Variants in SH3RF1 observed in about 807,000 individuals in gnomAD.
SH3RF1 encodes the protein E3 ubiquitin-protein ligase SH3RF1.
SH3RF1 carries 32 observed loss-of-function variants against 74.0 expected under a neutral mutation model. The ratio of observed to expected loss-of-function variants is 0.43; its 90% CI spans 0.33 to 0.58. SH3RF1 has a LOEUF of 0.58. SH3RF1 is among the 20% of genes least tolerant of loss of function. The pLI is 0.05. For missense variants in SH3RF1, 954 were observed against 1,130.9 expected, an observed-to-expected ratio of 0.84 and a Z score of 2.24; for synonymous variants, 396 against 439.6, an observed-to-expected ratio of 0.90 and a Z score of 1.24.
Position 169,269,319 on chromosome 4 carries a change from G to A in SH3RF1, c.-95-12C>T. 2.6e-6 allele frequency: 3 copies of A among 1,151,670 alleles called. No individual in the cohort carries two copies. Among genetic ancestry groups the A allele is most frequent in the East Asian group, 5.2e-5 (2 of 38,808 alleles). The allele number at this position is 1,151,670 out of a possible 1,614,324, so 71.3% of individuals were successfully genotyped here. On this transcript the variant is annotated splice_polypyrimidine_tract_variant and intron_variant, in intron 1 of 11. Coordinates refer to ENST00000284637, the MANE Select transcript of SH3RF1 (RefSeq NM_020870.4). ...TTTCAGACTTTGCTCTAGAGTCATG[G>A]GGAAAAGGGGGAAAAGAGAACATGA...
intron 2 of SH3RF1, among the ~76,000 whole-genome samples, chr4:169,243,638 G>T (rs1730949232): frequency 6.6e-6 from 1 of 152,134 alleles, no homozygotes; most frequent in African/African-American, 2.4e-5. Context: ...TATTAGTTTT[G>T]TTATCTATAT....
chr4:169,148,762 C>T (rs1733931507), intron 4 of SH3RF1, among the ~76,000 whole-genome samples: 3 of 151,666 alleles, frequency 2.0e-5, no homozygotes, highest in South Asian at 2.1e-4. Context: ...TTGTTGCATA[C>T]GAAAATTAGG....
intron 2 of SH3RF1, among the ~76,000 whole-genome samples, chr4:169,229,731 C>G (rs1730704925): frequency 6.6e-6 from 1 of 152,192 alleles, no homozygotes; most frequent in Non-Finnish European, 1.5e-5. Context: ...CTCATCACAA[C>G]TGGGAACAAA....
chr4:169,137,487 G>A (rs980797478), intron 4 of SH3RF1, among the ~76,000 whole-genome samples: 1 of 152,102 alleles, frequency 6.6e-6, no homozygotes, highest in Admixed American at 6.5e-5. Context: ...AGATATTACA[G>A]TAATGGAAAC....
intron 2 of SH3RF1, among the ~76,000 whole-genome samples, chr4:169,256,348 T>C (rs1408898109): frequency 6.6e-6 from 1 of 151,356 alleles, no homozygotes; most frequent in Non-Finnish European, 1.5e-5. Flanking sequence ...GGAGGGAGTA[T>C]AGATAATGTT....
intron 2 of SH3RF1, among the ~76,000 whole-genome samples, chr4:169,243,575 T>C (rs1730948658): frequency 6.6e-6 from 1 of 152,236 alleles, no homozygotes; most frequent in South Asian, 2.1e-4. Flanking sequence ...ATCTTGATTA[T>C]GCTAGGCTAA....
At chr4:169,249,921 G>A (rs1731071230) in intron 2 of SH3RF1, among the ~76,000 whole-genome samples, 1 of 151,998 alleles carries the variant, frequency 6.6e-6, no homozygotes, top group Non-Finnish European at 1.5e-5. Context: ...ACACTCAACA[G>A]AATCGGCCCA....
chr4:169,154,390 T>C (rs1486146439), intron 4 of SH3RF1, among the ~76,000 whole-genome samples: 3 of 152,218 alleles, frequency 2.0e-5, no homozygotes, highest in Non-Finnish European at 2.9e-5. Context: ...GCTACAATGA[T>C]ACAGTTTGTC....
intron 8 of SH3RF1, among the ~76,000 whole-genome samples, chr4:169,120,609 A>G (rs1277649747): frequency 2.0e-5 from 3 of 152,248 alleles, no homozygotes; most frequent in Non-Finnish European, 2.9e-5. Context: ...TTACTGGTAG[A>G]AACCTATAAT....
Position 169,130,090 on chromosome 4 carries a change from A to T in SH3RF1, c.1135T>A (p.Ser379Thr). ...PPSSPVTTGP[S>T]FTFPSDVPYQ... is the part of the protein sequence containing the mutation. ...GGAACATCTGATGGGAAAGTAAACG[A>T]GGGGCCAGTTGTCACTGGGCTGCTT... Residue 379 changes from serine (S) to threonine (T), a missense_variant, in exon 6 of 12, where the codon TCG (serine) becomes ACG (threonine). Ser to Thr is a moderately conservative substitution (Grantham distance 58). Around this residue, in one of 3 missense-constraint regions of SH3RF1, gnomAD observed 854 missense variants for 962.5 expected, o/e 0.89. Transcript: ENST00000284637. 6.2e-7 allele frequency: 1 copy of T among 1,613,560 alleles called. No homozygotes were observed. Among genetic ancestry groups the T allele is most frequent in the Non-Finnish European group, 8.5e-7 (1 of 1,179,860 alleles).
intron 2 of SH3RF1, among the ~76,000 whole-genome samples, chr4:169,189,928 T>G (rs1361802269): frequency 6.6e-6 from 1 of 152,134 alleles, no homozygotes; most frequent in Non-Finnish European, 1.5e-5. Flanking sequence ...AAAGGAACCT[T>G]CAAAACCATG....
chr4:169,234,313 C>T (rs768846056), intron 2 of SH3RF1, among the ~76,000 whole-genome samples: 1 of 152,060 alleles, frequency 6.6e-6, no homozygotes, highest in Non-Finnish European at 1.5e-5. Context: ...AAGAAACACC[C>T]TCCCCACCCC....
chr4:169,118,149 A>G (rs1733368840), intron 8 of SH3RF1, among the ~76,000 whole-genome samples: 1 of 152,108 alleles, frequency 6.6e-6, no homozygotes, highest in South Asian at 2.1e-4. Flanking sequence ...CCATTTCCAT[A>G]TCTTTGCTCC....
At chr4:169,181,591 A>T (rs1052676598) in intron 2 of SH3RF1, among the ~76,000 whole-genome samples, 22 of 152,066 alleles carry the variant, frequency 1.4e-4, no homozygotes, top group African/African-American at 4.8e-4. Flanking sequence ...TCACTCCTGA[A>T]GGTTAATAAA....
chr4:169,232,575 G>A lies in SH3RF1; in HGVS notation c.393+36245C>T, dbSNP rs543164707. ...TCCAATCCCTAGAGGTTAAAATAAAGTACAAACTTTGGTCACATCCTATCC... is the reference window on the plus strand; with the variant it reads ...TCCAATCCCTAGAGGTTAAAATAAAATACAAACTTTGGTCACATCCTATCC... On this transcript the variant is annotated intron_variant, in intron 2 of 11. Transcript: ENST00000284637. 1.8e-4 allele frequency among the ~76,000 whole-genome samples: 28 copies of A among 152,256 alleles called. No individual in the cohort carries two copies. In the South Asian group the frequency reaches 5.8e-3, roughly 32 times the overall value.
At chr4:169,192,814 T>TATGTGATATATATATCATATAG (rs1230139909) in intron 2 of SH3RF1, among the ~76,000 whole-genome samples, 12 of 148,510 alleles carry the variant, frequency 8.1e-5, no homozygotes, top group Non-Finnish European at 1.0e-4. Flanking sequence ...ATATGATATA[T>TATGTGATATATATATCATATAG]ATGTGATATA....
intron 2 of SH3RF1, among the ~76,000 whole-genome samples, chr4:169,180,049 A>G (rs1488234985): frequency 6.6e-6 from 1 of 152,038 alleles, no homozygotes; most frequent in African/African-American, 2.4e-5. Flanking sequence ...CATCCACTGC[A>G]TGGGGACGTA....
At chr4:169,135,541 C>T (rs987677619) in intron 5 of SH3RF1, among the ~76,000 whole-genome samples, 4 of 152,090 alleles carry the variant, frequency 2.6e-5, no homozygotes, top group Admixed American at 6.5e-5. Flanking sequence ...ATAGCAGCCC[C>T]GTGGCTTGGG....
chr4:169,191,920 T>C (rs1579128991), intron 2 of SH3RF1, among the ~76,000 whole-genome samples: 4 of 152,162 alleles, frequency 2.6e-5, no homozygotes, highest in East Asian at 1.9e-4. Context: ...AAATCTAAGA[T>C]GTGAAACTAT....
Sources: allele counts gnomAD v4.1 joint callset (sites outside exome capture counted in the v4.1 genomes callset), GRCh38; gene constraint gnomAD v4.1.1; regional missense constraint gnomAD v4.1.1; transcripts MANE v1.5; gene names NCBI Gene and HGNC (gene_info 2026-07-23, HGNC 2026-07-21).